Variants in MRPL48 observed in about 807,000 individuals in gnomAD.
MRPL48 encodes large ribosomal subunit protein mL48.
Under a neutral mutation model 32.9 loss-of-function variants are expected in MRPL48, and 16 were observed. The observed-to-expected ratio is 0.49, with a 90% CI of 0.33 to 0.74. The LOEUF is 0.74. MRPL48 is among the 30% of genes least tolerant of loss of function. The pLI is 0.02. For synonymous variants in MRPL48, 94 were observed against 89.2 expected (o/e 1.05, Z -0.31); for missense variants, 206 against 245.3 (o/e 0.84, Z 1.07).
chr11:73,813,881 A>G (rs1947612031), intron 3 of MRPL48, among the ~76,000 whole-genome samples: 1 of 151,832 alleles, frequency 6.6e-6, no homozygotes, highest in Admixed American at 6.6e-5. Context: ...CTCTACTAAA[A>G]ATACAAAAAA....
Position 73,850,824 on chromosome 11 carries a change from C to T in MRPL48, c.371+5848C>T, listed in dbSNP as rs1463289525. On this transcript the variant is annotated intron_variant, in intron 5 of 7. Transcript: ENST00000310614. ...CCTGAGTAGCTGGGACTACAGGCAC[C>T]TGCCACAACGCCTGGCTAATTTTTT... 3 of 228,240 alleles carry T rather than the reference C, an allele frequency of 1.3e-5. No individual in the cohort carries two copies. The East Asian group carries it at 3.8e-4, about 29-fold the overall frequency. The allele number at this position is 228,240 out of a possible 1,614,324, so 14.1% of individuals were successfully genotyped here.
chr11:73,801,738 G>A (rs77715338), intron 1 of MRPL48, among the ~76,000 whole-genome samples: 4,478 of 152,266 alleles, frequency 0.029, 69 homozygotes, highest in African/African-American at 0.034. Flanking sequence ...GTGACTTTGG[G>A]TAGGTTACTT....
At chr11:73,855,813 T>C (rs1948474057) in intron 5 of MRPL48, among the ~76,000 whole-genome samples, 1 of 152,174 alleles carries the variant, frequency 6.6e-6, no homozygotes, top group Non-Finnish European at 1.5e-5. Context: ...ATTTTTGTTT[T>C]CTTACATGTC....
At chr11:73,859,589 C>A (rs1337800685) in intron 5 of MRPL48, among the ~76,000 whole-genome samples, 1 of 152,062 alleles carries the variant, frequency 6.6e-6, no homozygotes, top group Non-Finnish European at 1.5e-5. Flanking sequence ...TCACTTGATT[C>A]TTTTAGAATG....
chr11:73,839,149 A>C (rs1948149694), intron 4 of MRPL48, among the ~76,000 whole-genome samples: 1 of 152,176 alleles, frequency 6.6e-6, no homozygotes, highest in Admixed American at 6.5e-5. Context: ...CAGGTCTATC[A>C]TCAGTATTAC....
At chr11:73,824,001 G>A (rs1303158353) in intron 3 of MRPL48, among the ~76,000 whole-genome samples, 3 of 151,606 alleles carry the variant, frequency 2.0e-5, no homozygotes, top group South Asian at 2.1e-4. Flanking sequence ...GATTATATGC[G>A]TGCACCACCA....
intron 5 of MRPL48, among the ~76,000 whole-genome samples, chr11:73,851,800 A>C (rs1000870297): frequency 6.7e-6 from 1 of 150,010 alleles, no homozygotes; most frequent in East Asian, 1.9e-4. Flanking sequence ...AAATTAATGA[A>C]AGTCCTTTTA....
intron 3 of MRPL48, among the ~76,000 whole-genome samples, chr11:73,817,071 G>T (rs1029689762): frequency 6.7e-6 from 1 of 150,178 alleles, no homozygotes; most frequent in Admixed American, 6.6e-5. Flanking sequence ...ACCTCAGGTG[G>T]TTCACCCGCT....
In MRPL48 at chr11:73,844,977, G is replaced by A; in HGVS notation, c.371+1G>A. ...CTCTCTCCATTAAAGTCGAGGAAAG[G>A]TATGAAGGATGCTTTTGTATGGGAT... On this transcript the variant is annotated splice_donor_variant, in intron 5 of 7. Coordinates refer to ENST00000310614, the MANE Select transcript of MRPL48 (RefSeq NM_016055.6). LOFTEE classifies it high-confidence loss of function. 1 of 1,602,398 alleles carries A rather than the reference G, an allele frequency of 6.2e-7. No homozygotes were observed. Among genetic ancestry groups the A allele is most frequent in the Non-Finnish European group, 8.5e-7 (1 of 1,172,208 alleles).
At chr11:73,797,536 C>T (rs1947278724) in intron 1 of MRPL48, among the ~76,000 whole-genome samples, 1 of 152,202 alleles carries the variant, frequency 6.6e-6, no homozygotes, top group Admixed American at 6.5e-5. Flanking sequence ...CCACGTGTTC[C>T]CCAGTGCCAG....
chr11:73,819,736 G>T (rs571023624), intron 3 of MRPL48, among the ~76,000 whole-genome samples: 1 of 151,910 alleles, frequency 6.6e-6, no homozygotes, highest in South Asian at 2.1e-4. Flanking sequence ...GTGGTGGCAC[G>T]CACCTGGGAC....
At chr11:73,815,078 C>G (rs1460814720) in intron 3 of MRPL48, among the ~76,000 whole-genome samples, 2 of 152,100 alleles carry the variant, frequency 1.3e-5, no homozygotes, top group Non-Finnish European at 2.9e-5. Flanking sequence ...GTTTCTGCCT[C>G]TTAATGAATG....
At chr11:73,824,692 A>T (rs953385813) in intron 3 of MRPL48, among the ~76,000 whole-genome samples, 16 of 152,166 alleles carry the variant, frequency 1.1e-4, no homozygotes, top group African/African-American at 3.6e-4. Context: ...AAACTTCAAA[A>T]GGGAAGGCGA....
chr11:73,831,738 C>T (rs774518212), intron 4 of MRPL48, among the ~76,000 whole-genome samples: 9 of 151,734 alleles, frequency 5.9e-5, no homozygotes, highest in Admixed American at 1.3e-4. Flanking sequence ...GTCAGGAGTT[C>T]GAGACCAGCC....
intron 3 of MRPL48, among the ~76,000 whole-genome samples, chr11:73,814,354 T>G (rs1590951730): frequency 4.0e-5 from 6 of 151,698 alleles, no homozygotes; most frequent in Middle Eastern, 3.4e-3. Flanking sequence ...ATTTTGCCAC[T>G]GTGCTCTAGC....
intron 4 of MRPL48, among the ~76,000 whole-genome samples, chr11:73,827,002 C>T (rs930665193): frequency 1.3e-5 from 2 of 151,738 alleles, no homozygotes; most frequent in African/African-American, 2.4e-5. Context: ...TCTCAAACTC[C>T]CGACCTCAGG....
rs79088875 is a variant in MRPL48 at position 73,819,762 on chromosome 11, G to A, written c.113-5946G>A. Among the ~76,000 whole-genome samples, 802 of 152,174 alleles carry A rather than the reference G, an allele frequency of 5.3e-3. 8 individuals carry two copies. The highest frequency in any genetic ancestry group is 0.018 in the African/African-American group (760 of 41,514). On this transcript the variant is annotated intron_variant, in intron 3 of 7. Transcript: ENST00000310614. The stretch of plus-strand genomic sequence containing the variant: ...CACCTGGGACAAATTAAACTGGTGT[G>A]GTGGCACACCCTGTAGTCCCAGCTA...
chr11:73,843,625 A>G (rs1406008472), intron 4 of MRPL48, among the ~76,000 whole-genome samples: 1 of 152,238 alleles, frequency 6.6e-6, no homozygotes, highest in Admixed American at 6.5e-5. Flanking sequence ...TCTACCTTTC[A>G]GTTCTCAAAA....
intron 3 of MRPL48, among the ~76,000 whole-genome samples, chr11:73,821,942 G>A (rs2135002174): frequency 6.6e-6 from 1 of 152,246 alleles, no homozygotes; most frequent in South Asian, 2.1e-4. Context: ...AGAGTTCAGT[G>A]CTTTTTAGGA....
Sources: gnomAD v4.1 joint callset for allele counts (sites outside exome capture counted in the v4.1 genomes callset) on GRCh38, gnomAD v4.1.1 for gene constraint, MANE v1.5 for transcripts, NCBI Gene and HGNC (gene_info 2026-07-23, HGNC 2026-07-21) for gene names.